DPEP3: variants seen among roughly 807,000 people sequenced by gnomAD.
The protein encoded by DPEP3 is membrane-bound dipeptidase 3.
DPEP3 carries 42 observed loss-of-function variants against 47.5 expected under a neutral mutation model. That is an observed-to-expected ratio of 0.88 (90% confidence interval 0.69 to 1.14). DPEP3 has a LOEUF of 1.14. Among genes scored for constraint, DPEP3 ranks in the 50% most tolerant of loss-of-function variants. The pLI is 0.00. For missense variants in DPEP3, 560 were observed against 635.0 expected (o/e 0.88, Z 1.27); for synonymous variants, 276 against 270.2 (o/e 1.02, Z -0.21).
rs2031300553 is a variant in DPEP3 at position 67,980,376 on chromosome 16, T to C, written c.5A>G (p.Gln2Arg). The C allele has an allele frequency of 1.3e-6, 2 of 1,531,642 alleles. No individual in the cohort carries two copies. The highest frequency in any genetic ancestry group is 1.8e-6 in the Non-Finnish European group (2 of 1,138,860). The allele number at this position is 1,531,642 out of a possible 1,614,324, so 94.9% of individuals were successfully genotyped here. ...GCGGGAACCCTCGCGGCCCGTGGGC[T>C]GCATGTTGCGCGGGGGTCGGCCGCG... is the stretch of plus-strand genomic sequence containing the variant. M[Q>R]PTGREGSRAL... Residue 2 changes from glutamine (Q) to arginine (R), a missense_variant, in exon 1 of 10, where the codon CAG (glutamine) becomes CGG (arginine). Transcript: ENST00000268793.
chr16:67,975,979 T>C lies in DPEP3; in HGVS notation c.1253A>G (p.Gln418Arg). ...TGGAAACTCAGCCTCCACGGGGCTC[T>C]GCGCCCTGCTCTCCTCTCTCACCTG... The part of the protein sequence containing the change: ...VEKVREESRA[Q>R]SPVEAEFPYG... The change falls in exon 10 of 10, where the codon CAG (glutamine) becomes CGG (arginine). Residue 418 changes from glutamine (Q) to arginine (R), a missense_variant. Physicochemically the swap from Gln to Arg is conservative, Grantham distance 43. Coordinates refer to ENST00000268793, the MANE Select transcript of DPEP3 (RefSeq NM_001370198.1). 1 of 1,614,010 alleles carries C rather than the reference T, an allele frequency of 6.2e-7. No homozygotes were observed. The highest frequency in any genetic ancestry group is 8.5e-7 in the Non-Finnish European group (1 of 1,179,892).
At position 67,978,999 on chromosome 16, in the gene DPEP3, C is replaced by T. The variant is rs1433884053; in HGVS notation, c.415-373G>A. Among the ~76,000 whole-genome samples, 3 of 152,170 alleles carry T rather than the reference C, an allele frequency of 2.0e-5. No individual in the cohort carries two copies. The East Asian group carries it at 5.8e-4, about 29-fold the overall frequency. On this transcript the variant is annotated intron_variant, in intron 2 of 9. Coordinates refer to ENST00000268793, the MANE Select transcript of DPEP3 (RefSeq NM_001370198.1). The surrounding 1 kb of genome is among the most constrained non-coding windows in gnomAD (Gnocchi z 4.4). ...TGCCAGCAGTCAAATGATGGACTCACGACACATCATAAATTACTGTTACGG... is the reference window on the plus strand; with the variant it reads ...TGCCAGCAGTCAAATGATGGACTCATGACACATCATAAATTACTGTTACGG...
At position 67,978,410 on chromosome 16, in the gene DPEP3, T is replaced by C. The variant is rs747655885; in HGVS notation, c.545-2A>G. 6.2e-7 allele frequency: 1 copy of C among 1,613,948 alleles called. No individual in the cohort carries two copies. ...CCAGCTTTTGAGAGCTGTTCAGACC[T>C]AGAAGGAGGTAGAGAGTCAAGTGGT... On this transcript the variant is annotated splice_acceptor_variant, in intron 3 of 9. Coordinates refer to ENST00000268793, the MANE Select transcript of DPEP3 (RefSeq NM_001370198.1). LOFTEE classifies it high-confidence loss of function. The surrounding 1 kb of genome is among the most constrained non-coding windows in gnomAD (Gnocchi z 4.4).
In DPEP3 at chr16:67,977,802, C is replaced by A. The variant is rs763559134; in HGVS notation, c.784G>T (p.Gly262Cys). Residue 262 changes from glycine (G) to cysteine (C), a missense_variant, in exon 6 of 10, where the codon GGC becomes TGC. Physicochemically the swap from Gly to Cys is radical, Grantham distance 159. Coordinates refer to ENST00000268793, the MANE Select transcript of DPEP3 (RefSeq NM_001370198.1). The part of the protein sequence containing the change: ...EKVVEELNRL[G>C]MMIDLSYASD... ...GCATAGGACAAATCTATCATCATGC[C>A]CAGGCGGTTCAACTCCTCTACTACT... 6.2e-7 allele frequency: 1 copy of A among 1,613,894 alleles called. No individual in the cohort carries two copies. The highest frequency in any genetic ancestry group is 8.5e-7 in the Non-Finnish European group (1 of 1,179,862).
At position 67,975,886 on chromosome 16, in the gene DPEP3, A is replaced by AGAT; in HGVS notation, c.1343_1345dup (p.His448dup). The AGAT allele has an allele frequency of 1.9e-6, 3 of 1,613,892 alleles. No homozygotes were observed. The highest frequency in any genetic ancestry group is 2.5e-6 in the Non-Finnish European group (3 of 1,179,826). ...ATTGGTTGGCTGCTTGGTCACCTCCAGATGAGTAGCCTGGTGTCCATTCTG... is the reference window on the plus strand; with the variant it reads ...ATTGGTTGGCTGCTTGGTCACCTCCAGATGATGAGTAGCCTGGTGTCCATTCTG... On this transcript the variant is annotated inframe_insertion, in exon 10 of 10. Transcript: ENST00000268793.
At chr16:67,980,063 C>A (rs1265148911) in intron 1 of DPEP3, 31 bp downstream of exon 1, 1 of 1,584,176 alleles carries the variant, frequency 6.3e-7, no homozygotes, top group South Asian at 1.2e-5. Flanking sequence ...GTGTGCTCAC[C>A]CCGCGTTGCC....
In DPEP3 at chr16:67,977,842, T is replaced by C. The variant is rs368132166; in HGVS notation, c.757-13A>G. ...CCTCTACTACTTTCTGCAGAAACAATTAGGTTTTTTTGTGGGGGAGGGTGT... is the reference window on the plus strand; with the variant it reads ...CCTCTACTACTTTCTGCAGAAACAACTAGGTTTTTTTGTGGGGGAGGGTGT... On this transcript the variant is annotated splice_polypyrimidine_tract_variant and intron_variant, in intron 5 of 9. Transcript: ENST00000268793. 1.2e-6 allele frequency: 2 copies of C among 1,613,560 alleles called. No individual in the cohort carries two copies. Among genetic ancestry groups the C allele is most frequent in the Non-Finnish European group, 1.7e-6 (2 of 1,179,716 alleles).
rs529760037 is a variant in DPEP3 at position 67,979,638 on chromosome 16, C to T, written c.414+1G>A. 2 of 1,613,696 alleles carry T rather than the reference C, an allele frequency of 1.2e-6. No homozygotes were observed. Among genetic ancestry groups the T allele is most frequent in the Admixed American group, 1.7e-5 (1 of 60,018 alleles). On this transcript the variant is annotated splice_donor_variant, in intron 2 of 9. Coordinates refer to ENST00000268793, the MANE Select transcript of DPEP3 (RefSeq NM_001370198.1). LOFTEE classifies it high-confidence loss of function. ...TGGCACCCTGTGTGTCCCTGTGGTACCTGGGCACCCACGAGGCCGTCTCTA... is the reference window on the plus strand; with the variant it reads ...TGGCACCCTGTGTGTCCCTGTGGTATCTGGGCACCCACGAGGCCGTCTCTA...
At position 67,980,201 on chromosome 16, in the gene DPEP3, G is replaced by A. The variant is rs1224573313; in HGVS notation, c.180C>T (p.Val60=). ...GGCCTGGGGTAGTGAGGGCGCTGGGGACACCCGGCGTGGTGAAGAGGCTGG... is the reference window on the plus strand; with the variant it reads ...GGCCTGGGGTAGTGAGGGCGCTGGGAACACCCGGCGTGGTGAAGAGGCTGG... ...GSPSLFTTPG[V]PSALTTPGLT... The change falls in exon 1 of 10, where the codon GTC becomes GTT. Residue 60 remains valine, a synonymous_variant. Transcript: ENST00000268793. 63 of 1,610,238 alleles carry A rather than the reference G, an allele frequency of 3.9e-5. No homozygotes were observed. Among genetic ancestry groups the A allele is most frequent in the Middle Eastern group, 1.6e-4 (1 of 6,062 alleles).
chr16:67,977,770 G>T lies in DPEP3; in HGVS notation c.816C>A (p.Asp272Glu), dbSNP rs1313362668. The change falls in exon 6 of 10, where the codon GAC becomes GAA. Residue 272 changes from aspartate (D) to glutamate (E), a missense_variant. Coordinates refer to ENST00000268793, the MANE Select transcript of DPEP3 (RefSeq NM_001370198.1). ...GMMIDLSYAS[D>E]TLIRRVLEVS... ...CTTCCAGGACCCTTCTTATCAAGGT[G>T]TCCGATGCATAGGACAAATCTATCA... The T allele has an allele frequency of 1.2e-6, 2 of 1,613,894 alleles. No individual in the cohort carries two copies.
Position 67,977,256 on chromosome 16 carries a change from G to T in DPEP3, c.1018+14C>A. 6.2e-7 allele frequency: 1 copy of T among 1,612,958 alleles called. No homozygotes were observed. The highest frequency in any genetic ancestry group is 2.2e-5 in the East Asian group (1 of 44,868). On this transcript the variant is annotated intron_variant, in intron 7 of 9. Transcript: ENST00000268793. ...GCCCAAGCCAGCACTGCACAAAGCTGAGGTGGGACTTACCTGCCACAGTGG... is the reference window on the plus strand; with the variant it reads ...GCCCAAGCCAGCACTGCACAAAGCTTAGGTGGGACTTACCTGCCACAGTGG...
Position 67,980,207 on chromosome 16 carries a change from C to T in DPEP3, c.174G>A (p.Pro58=), listed in dbSNP as rs373192732. Reference sequence around the variant, plus strand: ...GGGTAGTGAGGGCGCTGGGGACACCCGGCGTGGTGAAGAGGCTGGGGGAGC... The same window carrying T: ...GGGTAGTGAGGGCGCTGGGGACACCTGGCGTGGTGAAGAGGCTGGGGGAGC... ...TLGSPSLFTT[P]GVPSALTTPG... The change falls in exon 1 of 10, where the codon CCG becomes CCA. Residue 58 remains proline (P), a synonymous_variant. Transcript: ENST00000268793. 4.7e-5 allele frequency: 76 copies of T among 1,609,828 alleles called. No homozygotes were observed. Among genetic ancestry groups the T allele is most frequent in the Non-Finnish European group, 6.1e-5 (72 of 1,178,132 alleles).
intron 6 of DPEP3, 23 bp downstream of exon 6, chr16:67,977,630 T>G (rs1423942857): frequency 6.2e-7 from 1 of 1,601,830 alleles, no homozygotes; most frequent in South Asian, 1.1e-5. Flanking sequence ...ATGCCTAGTT[T>G]GAGAGCTGGG....
rs1329114209 is a variant in DPEP3 at position 67,975,817 on chromosome 16, G to A, written c.1415C>T (p.Pro472Leu). ...GATGGTGGCAGCAGCCACAAGGCCT[G>A]GAACAAGGTATGGGGAGGCATTTGA... ...RSSNASPYLV[P>L]GLVAAATIPT... The change falls in exon 10 of 10, where the codon CCA becomes CTA. Residue 472 changes from proline to leucine, a missense_variant. Physicochemically the swap from Pro to Leu is moderately conservative, Grantham distance 98. Coordinates refer to ENST00000268793, the MANE Select transcript of DPEP3 (RefSeq NM_001370198.1). 1 of 1,613,908 alleles carries A rather than the reference G, an allele frequency of 6.2e-7. No individual in the cohort carries two copies. The highest frequency in any genetic ancestry group is 8.5e-7 in the Non-Finnish European group (1 of 1,179,862).
Position 67,977,848 on chromosome 16 carries a change from T to G in DPEP3, c.757-19A>C. 2 of 1,613,682 alleles carry G rather than the reference T, an allele frequency of 1.2e-6. No individual in the cohort carries two copies. The highest frequency in any genetic ancestry group is 2.2e-5 in the South Asian group (2 of 91,074). ...CTACTTTCTGCAGAAACAATTAGGTTTTTTTGTGGGGGAGGGTGTTGGGGT... is the reference window on the plus strand; with the variant it reads ...CTACTTTCTGCAGAAACAATTAGGTGTTTTTGTGGGGGAGGGTGTTGGGGT... On this transcript the variant is annotated intron_variant, in intron 5 of 9. Coordinates refer to ENST00000268793, the MANE Select transcript of DPEP3 (RefSeq NM_001370198.1).
Position 67,978,746 on chromosome 16 carries a change from A to C in DPEP3, c.415-120T>G. On this transcript the variant is annotated intron_variant, in intron 2 of 9. Transcript: ENST00000268793. This position sits in a 1 kb window ranked among gnomAD's most constrained non-coding sequence, Gnocchi z 4.4. Reference sequence around the variant, plus strand: ...GGTCAGTGGCCCCAAGTGAGGCACTACATGACTCCATGGTACCTTGATGAC... The same window carrying C: ...GGTCAGTGGCCCCAAGTGAGGCACTCCATGACTCCATGGTACCTTGATGAC... The C allele has an allele frequency of 8.8e-7, 1 of 1,136,536 alleles. No individual in the cohort carries two copies. Among genetic ancestry groups the C allele is most frequent in the Non-Finnish European group, 1.3e-6 (1 of 790,428 alleles). The allele number at this position is 1,136,536 out of a possible 1,614,324, so 70.4% of individuals were successfully genotyped here.
intron 7 of DPEP3, 98 bp from the exon 8 acceptor site, chr16:67,976,873 C>T (rs546821431): frequency 9.7e-7 from 1 of 1,034,158 alleles, no homozygotes; most frequent in East Asian, 2.5e-5. Flanking sequence ...CTCCACAGAG[C>T]TAGCTCATGG....
rs767737288 is a variant in DPEP3 at position 67,975,903 on chromosome 16, T to G, written c.1329A>C (p.Gly443=). Residue 443 remains glycine (G), a synonymous_variant, in exon 10 of 10, where the codon GGA becomes GGC. Coordinates refer to ENST00000268793, the MANE Select transcript of DPEP3 (RefSeq NM_001370198.1). ...SCHSHLVPQN[G]HQATHLEVTK... ...TCACCTCCAGATGAGTAGCCTGGTGTCCATTCTGAGGCACGAGGTGGGAGT... is the reference window on the plus strand; with the variant it reads ...TCACCTCCAGATGAGTAGCCTGGTGGCCATTCTGAGGCACGAGGTGGGAGT... 1 of 1,613,900 alleles carries G rather than the reference T, an allele frequency of 6.2e-7. No homozygotes were observed. The highest frequency in any genetic ancestry group is 2.2e-5 in the East Asian group (1 of 44,880).
Position 67,980,241 on chromosome 16 carries a change from G to C in DPEP3, c.140C>G (p.Ser47Cys). 6.2e-7 allele frequency: 1 copy of C among 1,608,064 alleles called. No individual in the cohort carries two copies. The highest frequency in any genetic ancestry group is 8.5e-7 in the Non-Finnish European group (1 of 1,177,800). Residue 47 changes from serine (S) to cysteine (C), a missense_variant, in exon 1 of 10, where the codon TCC (serine) becomes TGC (cysteine). By Grantham distance (112) the Ser-to-Cys change is moderately radical (BLOSUM62 -1). Transcript: ENST00000268793. ...ETTPGAPRAL[S>C]TLGSPSLFTT... is the part of the protein sequence containing the mutation. ...GAAGAGGCTGGGGGAGCCCAGCGTG[G>C]AGAGGGCTCTGGGGGCGCCCGGCGT...
Sources: allele counts gnomAD v4.1 joint callset (sites outside exome capture counted in the v4.1 genomes callset), GRCh38; gene constraint gnomAD v4.1.1; non-coding constraint Gnocchi (gnomAD v3.1); transcripts MANE v1.5; gene names NCBI Gene and HGNC (gene_info 2026-07-23, HGNC 2026-07-21).